The following VCAN variants were observed in gnomAD, a reference collection of about 807,000 sequenced individuals.
VCAN encodes the protein versican core protein.
In VCAN, 44 loss-of-function variants were observed where a neutral mutation model predicts 245.5. That is an observed-to-expected ratio of 0.18 (90% confidence interval 0.14 to 0.23). VCAN has a LOEUF of 0.23. Among genes scored for constraint, VCAN ranks in the 10% least tolerant of loss-of-function variants. VCAN has a pLI of 1.00. For synonymous variants in VCAN, 1,413 were observed against 1,437.0 expected (o/e 0.98, Z 0.38); for missense variants, 3,793 against 4,057.9 (o/e 0.93, Z 1.77).
At chr5:83,482,537 C>T (rs373074023) in intron 1 of VCAN, among the ~76,000 whole-genome samples, 9 of 152,180 alleles carry the variant, frequency 5.9e-5, no homozygotes, top group Non-Finnish European at 1.2e-4. Flanking sequence ...AAAGGAGAAA[C>T]GCATGGCTAT....
Position 83,553,416 on chromosome 5 carries a change from A to T in VCAN, c.9546A>T (p.Lys3182Asn), listed in dbSNP as rs781758777. The T allele has an allele frequency of 1.2e-6, 2 of 1,613,970 alleles. No individual in the cohort carries two copies. The highest frequency in any genetic ancestry group is 2.7e-5 in the African/African-American group (2 of 74,926). Residue 3182 changes from lysine to asparagine, a missense_variant, in exon 11 of 15, where the codon AAA (lysine) becomes AAT (asparagine). Coordinates refer to ENST00000265077, the MANE Select transcript of VCAN (RefSeq NM_004385.5). ...ACAAATTCCAAGGGCAGTGCTACAA[A>T]TACTTTGCCCATCGACGCACATGGG... is the stretch of plus-strand genomic sequence containing the variant. ...GWHKFQGQCY[K>N]YFAHRRTWDA...
chr5:83,513,059 C>G (rs1745716555), intron 6 of VCAN: 1 of 151,982 alleles, frequency 6.6e-6, no homozygotes, highest in Non-Finnish European at 1.5e-5. Context: ...TTTTAAATAA[C>G]ATTTCTCAAC....
intron 10 of VCAN, among the ~76,000 whole-genome samples, chr5:83,548,595 G>A (rs1447990892): frequency 6.6e-6 from 1 of 152,138 alleles, no homozygotes; most frequent in Non-Finnish European, 1.5e-5. Flanking sequence ...GACTTTTTCT[G>A]AATGAAAGAA....
In VCAN at chr5:83,471,836, A is replaced by C; in HGVS notation, c.-194A>C. On this transcript the variant is annotated 5_prime_UTR_variant, in exon 1 of 15. Coordinates refer to ENST00000265077, the MANE Select transcript of VCAN (RefSeq NM_004385.5). ...CAGCCGAGAACATTAGGTGTTGTGG[A>C]CAGGAGCTGGGACCAAGATCTTCGG... 1 of 398,312 alleles carries C rather than the reference A, an allele frequency of 2.5e-6. No individual in the cohort carries two copies. The highest frequency in any genetic ancestry group is 1.3e-4 in the South Asian group (1 of 7,808). 24.7% of individuals were successfully genotyped at this position (398,312 alleles called of 1,614,324 possible). A position where few individuals can be genotyped will look rare whatever the true frequency, so the allele number is the denominator to read the frequency against.
At chr5:83,498,165 G>T (rs185503815) in intron 5 of VCAN, among the ~76,000 whole-genome samples, 1 of 152,194 alleles carries the variant, frequency 6.6e-6, no homozygotes, top group East Asian at 1.9e-4. Context: ...ACTTTGACAG[G>T]CCTATACTGT....
intron 8 of VCAN, among the ~76,000 whole-genome samples, chr5:83,544,357 G>A (rs16900543): frequency 0.05 from 7,567 of 152,190 alleles, 645 homozygotes; most frequent in African/African-American, 0.17. Flanking sequence ...ACCTATCCAG[G>A]TTTATAGTCA....
chr5:83,515,970 C>T (rs1324420882), intron 6 of VCAN, among the ~76,000 whole-genome samples: 8 of 152,340 alleles, frequency 5.3e-5, no homozygotes, highest in South Asian at 2.1e-4. Flanking sequence ...CGGTCGCTCA[C>T]GCCTGTAATC....
intron 12 of VCAN, among the ~76,000 whole-genome samples, chr5:83,569,545 G>C (rs1408561516): frequency 6.6e-6 from 1 of 152,092 alleles, no homozygotes; most frequent in African/African-American, 2.4e-5. Context: ...TGCAATTAAT[G>C]AGTAAATTAT....
chr5:83,483,221 G>C (rs1333502223), intron 1 of VCAN, among the ~76,000 whole-genome samples: 2 of 152,158 alleles, frequency 1.3e-5, no homozygotes, highest in East Asian at 1.9e-4. Context: ...CTACTCACTT[G>C]TGGTTGTCAC....
intron 5 of VCAN, among the ~76,000 whole-genome samples, chr5:83,507,890 A>T (rs1745529251): frequency 6.6e-6 from 1 of 152,234 alleles, no homozygotes; most frequent in South Asian, 2.1e-4. Context: ...TTCTCAGTGT[A>T]GAAATGGACA....
chr5:83,520,296 T>C lies in VCAN; in HGVS notation c.1990T>C (p.Leu664=), dbSNP rs771055328. 1.9e-6 allele frequency: 3 copies of C among 1,613,766 alleles called. No individual in the cohort carries two copies. In the African/African-American group the frequency reaches 4.0e-5, roughly 22 times the overall value. The change falls in exon 7 of 15, where the codon TTA becomes CTA. Residue 664 remains leucine (L), a synonymous_variant. Transcript: ENST00000265077. ...GTTTCCTTATTCTGGTGATAAAATA[T>C]TAGTAGAGGGAATTTCCACAGTTAT... ...ELFPYSGDKI[L]VEGISTVIYP... is the part of the protein sequence containing the mutation.
rs547070376 is a variant in VCAN at position 83,476,100 on chromosome 5, T to C, written c.-7+4077T>C. Among the ~76,000 whole-genome samples the C allele has an allele frequency of 7.6e-4, 116 of 152,362 alleles. 1 individual carries two copies. The Middle Eastern group carries it at 0.027, about 36-fold the overall frequency. On this transcript the variant is annotated intron_variant, in intron 1 of 14. Coordinates refer to ENST00000265077, the MANE Select transcript of VCAN (RefSeq NM_004385.5). ...CTAAACCAAAGGTGACCATGATTAA[T>C]GTTAAAGATACTACCCATTGTTCTC... is the stretch of plus-strand genomic sequence containing the variant.
intron 8 of VCAN, among the ~76,000 whole-genome samples, chr5:83,542,758 T>A (rs1747053135): frequency 6.6e-6 from 1 of 152,204 alleles, no homozygotes; most frequent in Non-Finnish European, 1.5e-5. Flanking sequence ...TTGTGCAGTA[T>A]CAATATCAGC....
In VCAN at chr5:83,519,776, T is replaced by A. The variant is rs777153964; in HGVS notation, c.1470T>A (p.Ile490=). ...DKQTQESVTQ[I]EQIEVGPLVT... is the part of the protein sequence containing the mutation. ...AAACACAAGAATCGGTTACACAGAT[T>A]GAACAAATAGAAGTGGGTCCTTTGG... The change falls in exon 7 of 15, where the codon ATT becomes ATA. Residue 490 remains isoleucine (I), a synonymous_variant. Coordinates refer to ENST00000265077, the MANE Select transcript of VCAN (RefSeq NM_004385.5). 6.2e-7 allele frequency: 1 copy of A among 1,614,140 alleles called. No individual in the cohort carries two copies. Among genetic ancestry groups the A allele is most frequent in the Non-Finnish European group, 8.5e-7 (1 of 1,179,992 alleles).
At chr5:83,530,615 T>C (rs1165554755) in intron 7 of VCAN, among the ~76,000 whole-genome samples, 1 of 152,156 alleles carries the variant, frequency 6.6e-6, no homozygotes, top group Non-Finnish European at 1.5e-5. Context: ...ACATTGCCTA[T>C]TTTTGTCACT....
chr5:83,542,708 A>C (rs1162206468), intron 8 of VCAN, among the ~76,000 whole-genome samples: 8 of 152,204 alleles, frequency 5.3e-5, no homozygotes, highest in Non-Finnish European at 1.2e-4. Context: ...GGCCTTTAAC[A>C]TTTGGGAGTA....
rs767479742 is a variant in VCAN at position 83,538,621 on chromosome 5, A to G, written c.5618A>G (p.His1873Arg). 3 of 1,614,110 alleles carry G rather than the reference A, an allele frequency of 1.9e-6. No homozygotes were observed. The highest frequency in any genetic ancestry group is 1.1e-5 in the South Asian group (1 of 91,084). Residue 1873 changes from histidine (H) to arginine (R), a missense_variant, in exon 8 of 15, where the codon CAT (histidine) becomes CGT (arginine). Physicochemically the swap from His to Arg is conservative, Grantham distance 29. This residue lies in a region of VCAN where 3,182 missense variants were observed against 3,250.3 expected (regional missense o/e 0.98). Coordinates refer to ENST00000265077, the MANE Select transcript of VCAN (RefSeq NM_004385.5). ...EKEVAGTLSPHVETTFSTEPT... is the reference protein window; with the variant it reads ...EKEVAGTLSPRVETTFSTEPT... ...GAAGTAGCTGGCACTTTGTCTCCGC[A>G]TGTGGAAACTACATTCTCCACTGAG...
At chr5:83,512,508 C>G in intron 6 of VCAN, 112 bp downstream of exon 6, 1 of 1,308,000 alleles carries the variant, frequency 7.6e-7, no homozygotes, top group Non-Finnish European at 1.1e-6. Context: ...AGTGTGTGCA[C>G]GGAATGGAAA....
chr5:83,545,110 A>G (rs1043971736), intron 8 of VCAN: 2 of 229,988 alleles, frequency 8.7e-6, no homozygotes, highest in Non-Finnish European at 8.7e-6. Flanking sequence ...TAACAAGCCA[A>G]CCTGCTAAAA....
Sources: allele counts gnomAD v4.1 joint callset (sites outside exome capture counted in the v4.1 genomes callset), GRCh38; gene constraint gnomAD v4.1.1; regional missense constraint gnomAD v4.1.1; transcripts MANE v1.5; gene names NCBI Gene and HGNC (gene_info 2026-07-23, HGNC 2026-07-21).